The following GPRC6A variants were observed in gnomAD, a reference collection of about 807,000 sequenced individuals.
GPRC6A encodes the protein G protein-coupled receptor class C group 6 member A.
GPRC6A carries 54 observed loss-of-function variants against 47.0 expected under a neutral mutation model. That is an observed-to-expected ratio of 1.15 (90% CI 0.92 to 1.44). The LOEUF is 1.44. Ranked by LOEUF, GPRC6A falls within the 40% of genes most tolerant of loss-of-function variation. GPRC6A has a pLI of 0.00. For missense variants in GPRC6A, 1,112 were observed against 1,105.5 expected, an observed-to-expected ratio of 1.01 and a Z score of -0.08; for synonymous variants, 347 against 377.1, an observed-to-expected ratio of 0.92 and a Z score of 0.93.
At chr6:116,823,080 C>T (rs1773557648) in intron 1 of GPRC6A, among the ~76,000 whole-genome samples, 2 of 151,942 alleles carry the variant, frequency 1.3e-5, no homozygotes, top group African/African-American at 2.4e-5. Flanking sequence ...ATTCCTCCCC[C>T]AGAAATTTTT....
chr6:116,807,771 T>G (rs1772902159), intron 2 of GPRC6A, among the ~76,000 whole-genome samples: 1 of 152,150 alleles, frequency 6.6e-6, no homozygotes, highest in South Asian at 2.1e-4. Flanking sequence ...TAAAAACTAT[T>G]TTTAGCCTGA....
At chr6:116,826,777 A>G (rs1242594473) in intron 1 of GPRC6A, among the ~76,000 whole-genome samples, 1 of 151,974 alleles carries the variant, frequency 6.6e-6, no homozygotes, top group African/African-American at 2.4e-5. Context: ...TATTTGCAAT[A>G]GGAAAGATAT....
chr6:116,793,887 C>T (rs947285608), intron 5 of GPRC6A, among the ~76,000 whole-genome samples: 1 of 152,140 alleles, frequency 6.6e-6, no homozygotes, highest in African/African-American at 2.4e-5. Context: ...AGCTTGAAGT[C>T]TCTTTCTAAA....
chr6:116,816,604 T>G (rs1262886018), intron 1 of GPRC6A, among the ~76,000 whole-genome samples: 1 of 151,774 alleles, frequency 6.6e-6, no homozygotes, highest in African/African-American at 2.4e-5. Context: ...ACGGGTGATT[T>G]CTGCATTTCC....
Position 116,809,529 on chromosome 6 carries a change from G to A in GPRC6A, c.283C>T (p.Leu95=). The A allele has an allele frequency of 1.2e-6, 2 of 1,612,994 alleles. No homozygotes were observed. Among genetic ancestry groups the A allele is most frequent in the Non-Finnish European group, 1.7e-6 (2 of 1,179,150 alleles). The change falls in exon 2 of 6, where the codon CTG becomes TTG. Residue 95 remains leucine (L), a synonymous_variant. Coordinates refer to ENST00000310357, the MANE Select transcript of GPRC6A (RefSeq NM_148963.4). ...CAAGTGTCATAGATTTCATACCCCA[G>A]TTTGACTCCAGGTAAGAGTGTTGAA... is the stretch of plus-strand genomic sequence containing the variant. ...NNSTLLPGVK[L]GYEIYDTCTE... is the part of the protein sequence containing the mutation.
chr6:116,828,232 T>C (rs1773732504), intron 1 of GPRC6A, among the ~76,000 whole-genome samples: 4 of 152,128 alleles, frequency 2.6e-5, no homozygotes, highest in Admixed American at 2.0e-4. Flanking sequence ...GCTTTACTTT[T>C]CCACATTATA....
chr6:116,793,018 C>T lies in GPRC6A; in HGVS notation c.1905G>A (p.Val635=). 1 of 1,614,074 alleles carries T rather than the reference C, an allele frequency of 6.2e-7. No individual in the cohort carries two copies. The highest frequency in any genetic ancestry group is 8.5e-7 in the Non-Finnish European group (1 of 1,179,992). ...AATTGAGGAAATGACAGAGAAGGAT[C>T]ACATAGCAGACTCTTAATCCCCCGG... The part of the protein sequence containing the change: ...KSSGGLRVCY[V]ILLCHFLNFA... The change falls in exon 6 of 6, where the codon GTG becomes GTA. Residue 635 remains valine, a synonymous_variant. Transcript: ENST00000310357.
intron 1 of GPRC6A, among the ~76,000 whole-genome samples, chr6:116,813,553 A>G (rs1373622710): frequency 6.6e-6 from 1 of 152,166 alleles, no homozygotes; most frequent in African/African-American, 2.4e-5. Flanking sequence ...CTGGCTAGCC[A>G]TATGCAGAAA....
chr6:116,815,076 A>C (rs1009860690), intron 1 of GPRC6A, among the ~76,000 whole-genome samples: 1 of 152,208 alleles, frequency 6.6e-6, no homozygotes, highest in Admixed American at 6.5e-5. Flanking sequence ...AGATTCATAA[A>C]GCAAAAATTA....
In GPRC6A at chr6:116,828,848, T is replaced by C. The variant is rs751940716; in HGVS notation, c.166A>G (p.Arg56Gly). Residue 56 changes from arginine (R) to glycine (G), a missense_variant, in exon 1 of 6, where the codon AGA becomes GGA. Physicochemically the swap from Arg to Gly is moderately radical, Grantham distance 125. Transcript: ENST00000310357. ...ACACACTCCTGGATTTGTGGTCGTC[T>C]GGGAGAGTCTTCTGAGGACAACATT... ...EKMLSSEDSP[R>G]RPQIQECVGF... The C allele has an allele frequency of 8.1e-6, 13 of 1,612,854 alleles. No individual in the cohort carries two copies. The South Asian group carries it at 1.3e-4, about 16-fold the overall frequency.
intron 1 of GPRC6A, among the ~76,000 whole-genome samples, chr6:116,818,232 T>C (rs1354789999): frequency 1.3e-5 from 2 of 152,038 alleles, no homozygotes; most frequent in Admixed American, 1.3e-4. Context: ...ATATTCAACA[T>C]TCTTAAAGAA....
intron 1 of GPRC6A, among the ~76,000 whole-genome samples, chr6:116,827,580 G>A (rs540353022): frequency 3.7e-4 from 56 of 152,006 alleles, no homozygotes; most frequent in African/African-American, 1.3e-3. Context: ...AAAGGTAAGA[G>A]ATTTTCAACG....
intron 5 of GPRC6A, among the ~76,000 whole-genome samples, chr6:116,794,777 G>A (rs959859432): frequency 3.3e-5 from 5 of 152,004 alleles, no homozygotes; most frequent in African/African-American, 4.8e-5. Flanking sequence ...ACCAAGGAAC[G>A]GGAAAATTTT....
In GPRC6A at chr6:116,813,734, C is replaced by A. The variant is rs187127083; in HGVS notation, c.195-4117G>T. ...ATGACTAAAACACCAAAAGCAATGGCAACAAAAGCCAAAATAGACAAATGG... is the reference window on the plus strand; with the variant it reads ...ATGACTAAAACACCAAAAGCAATGGAAACAAAAGCCAAAATAGACAAATGG... On this transcript the variant is annotated intron_variant, in intron 1 of 5. Coordinates refer to ENST00000310357, the MANE Select transcript of GPRC6A (RefSeq NM_148963.4). Among the ~76,000 whole-genome samples the A allele has an allele frequency of 1.1e-3, 167 of 152,248 alleles. 1 individual carries two copies. Among genetic ancestry groups the A allele is most frequent in the African/African-American group, 3.9e-3 (162 of 41,526 alleles).
At chr6:116,817,254 G>A (rs1310855776) in intron 1 of GPRC6A, among the ~76,000 whole-genome samples, 1 of 152,134 alleles carries the variant, frequency 6.6e-6, no homozygotes, top group African/African-American at 2.4e-5. Context: ...GCCTAACTGG[G>A]AGGCACCCCC....
intron 1 of GPRC6A, among the ~76,000 whole-genome samples, chr6:116,820,980 C>A (rs1179673989): frequency 6.6e-6 from 1 of 151,942 alleles, no homozygotes; most frequent in Admixed American, 6.6e-5. Context: ...AGCCCAAAAT[C>A]TCCTTAAGCT....
In GPRC6A at chr6:116,819,575, C is replaced by T. The variant is rs982482365; in HGVS notation, c.194+9245G>A. On this transcript the variant is annotated intron_variant, in intron 1 of 5. Transcript: ENST00000310357. ...AATCTCACTCAAAACCGCTCAAATA[C>T]ATGGAAACTGAACAACCTGCTCCTG... Among the ~76,000 whole-genome samples the T allele has an allele frequency of 2.6e-3, 401 of 152,276 alleles. 3 individuals carry two copies. The highest frequency in any genetic ancestry group is 9.1e-3 in the African/African-American group (378 of 41,562).
intron 4 of GPRC6A, among the ~76,000 whole-genome samples, chr6:116,800,248 C>G (rs1423691353): frequency 9.3e-6 from 1 of 107,162 alleles, no homozygotes; most frequent in Non-Finnish European, 1.8e-5. Context: ...CCTTCTTTCT[C>G]TCTCTCTTCC....
intron 1 of GPRC6A, among the ~76,000 whole-genome samples, chr6:116,821,896 A>G (rs1189730997): frequency 2.0e-5 from 3 of 150,372 alleles, no homozygotes; most frequent in Non-Finnish European, 4.4e-5. Context: ...TGCACAGCAA[A>G]AGAAACTACC....
Sources: gnomAD v4.1 joint callset for allele counts (sites outside exome capture counted in the v4.1 genomes callset) on GRCh38, gnomAD v4.1.1 for gene constraint, MANE v1.5 for transcripts, NCBI Gene and HGNC (gene_info 2026-07-23, HGNC 2026-07-21) for gene names.